The following SYT11 variants were observed in gnomAD, a reference collection of about 807,000 sequenced individuals.
The protein encoded by SYT11 is synaptotagmin-11.
SYT11 carries 12 observed loss-of-function variants against 30.4 expected under a neutral mutation model. The ratio of observed to expected loss-of-function variants is 0.39; its 90% CI spans 0.25 to 0.64. SYT11 has a LOEUF of 0.64. SYT11 is among the 30% of genes least tolerant of loss of function. The probability of loss-of-function intolerance (pLI) is 0.45; values close to 1 mark genes in which losing one functional copy is unlikely to be tolerated. For synonymous variants in SYT11, 204 were observed against 216.0 expected (o/e 0.94, Z 0.49); for missense variants, 412 against 552.0 (o/e 0.75, Z 2.54).
chr1:155,879,104 A>ATGAAAATGTTCT (rs920728081), intron 2 of SYT11, among the ~76,000 whole-genome samples: 1 of 151,822 alleles, frequency 6.6e-6, no homozygotes, highest in East Asian at 1.9e-4. Flanking sequence ...TGCAGTGCCT[A>ATGAAAATGTTCT]TGAAAATGTT....
rs1672733681 is a variant in SYT11 at position 155,868,769 on chromosome 1, A to G, written c.839A>G (p.Asp280Gly). 6.8e-6 allele frequency: 11 copies of G among 1,613,430 alleles called. No homozygotes were observed. Among genetic ancestry groups the G allele is most frequent in the Non-Finnish European group, 9.3e-6 (11 of 1,179,602 alleles). The change falls in exon 2 of 4, where the codon GAC becomes GGC. Residue 280 changes from aspartate (D) to glycine (G), a missense_variant. Asp to Gly is a moderately conservative substitution (Grantham distance 94). Transcript: ENST00000368324. The surrounding 1 kb of genome is among the most constrained non-coding windows in gnomAD (Gnocchi z 4.7). ...PSTGKVQLTRDIIKRNIQKCI... is the reference protein window; with the variant it reads ...PSTGKVQLTRGIIKRNIQKCI... ...ACAGGCAAGGTACAACTGACCAGGGACATCATCAAAAGGAATATCCAGGTG... is the reference window on the plus strand; with the variant it reads ...ACAGGCAAGGTACAACTGACCAGGGGCATCATCAAAAGGAATATCCAGGTG...
intron 2 of SYT11, among the ~76,000 whole-genome samples, chr1:155,870,537 C>T (rs1166846530): frequency 6.6e-6 from 1 of 152,262 alleles, no homozygotes; most frequent in African/African-American, 2.4e-5. Context: ...AACTGCACAT[C>T]TCCCAGAAAG....
chr1:155,868,943 T>G lies in SYT11; in HGVS notation c.861+152T>G. On this transcript the variant is annotated intron_variant, in intron 2 of 3. Coordinates refer to ENST00000368324, the MANE Select transcript of SYT11 (RefSeq NM_152280.5). The surrounding 1 kb of genome is among the most constrained non-coding windows in gnomAD (Gnocchi z 4.7). The stretch of plus-strand genomic sequence containing the variant: ...TGTCAAGGATAAGCAGTGGTCAGAG[T>G]AAGACAGAGGGCCTGGCAGATGAGG... 1.3e-6 allele frequency: 1 copy of G among 771,816 alleles called. No homozygotes were observed. Among genetic ancestry groups the G allele is most frequent in the Non-Finnish European group, 2.0e-6 (1 of 492,606 alleles). 47.8% of individuals were successfully genotyped at this position (771,816 alleles called of 1,614,324 possible).
Position 155,868,439 on chromosome 1 carries a change from C to T in SYT11, c.509C>T (p.Pro170Leu), listed in dbSNP as rs550640338. 6.8e-6 allele frequency: 11 copies of T among 1,614,000 alleles called. No individual in the cohort carries two copies. The highest frequency in any genetic ancestry group is 2.2e-5 in the South Asian group (2 of 91,064). ...SLTFSVDYNF[P>L]KKALVVTIQE... is the part of the protein sequence containing the mutation. ...ACCTTCTCAGTGGACTATAACTTCC[C>T]GAAAAAAGCCCTGGTGGTGACAATC... Residue 170 changes from proline to leucine, a missense_variant, in exon 2 of 4, where the codon CCG becomes CTG. Pro to Leu is a moderately conservative substitution (Grantham distance 98). Coordinates refer to ENST00000368324, the MANE Select transcript of SYT11 (RefSeq NM_152280.5). This position sits in a 1 kb window ranked among gnomAD's most constrained non-coding sequence, Gnocchi z 4.7.
chr1:155,878,884 A>T (rs1289036491), intron 2 of SYT11, among the ~76,000 whole-genome samples: 1 of 151,164 alleles, frequency 6.6e-6, no homozygotes, highest in African/African-American at 2.4e-5. Context: ...ATAAAATTAA[A>T]AAATAAATAA....
rs966405090 is a variant in SYT11 at position 155,882,778 on chromosome 1, T to C, written c.*1270T>C. The C allele has an allele frequency of 3.3e-5, 5 of 152,328 alleles. No individual in the cohort carries two copies. The highest frequency in any genetic ancestry group is 7.3e-5 in the Non-Finnish European group (5 of 68,038). The allele number at this position is 152,328 out of a possible 1,614,324, so 9.4% of individuals were successfully genotyped here. A position where few individuals can be genotyped will look rare whatever the true frequency, so the allele number is the denominator to read the frequency against. ...GTAGTGACAGCCATTTCTTGGTTGA[T>C]GGGTTGGAAGTCATCAGAGGTTTGA... On this transcript the variant is annotated 3_prime_UTR_variant, in exon 4 of 4. Transcript: ENST00000368324.
chr1:155,875,256 A>C (rs1356902755), intron 2 of SYT11, among the ~76,000 whole-genome samples: 1 of 151,676 alleles, frequency 6.6e-6, no homozygotes, highest in Non-Finnish European at 1.5e-5. Context: ...TCTCAAAAAA[A>C]AAAAAAAAAA....
chr1:155,865,344 T>C (rs1323889750), intron 1 of SYT11, among the ~76,000 whole-genome samples: 2 of 152,070 alleles, frequency 1.3e-5, no homozygotes, highest in East Asian at 3.9e-4. Flanking sequence ...AAGAATGCTT[T>C]AGGCCGGGCG....
chr1:155,870,338 C>T (rs1672762021), intron 2 of SYT11, among the ~76,000 whole-genome samples: 1 of 152,210 alleles, frequency 6.6e-6, no homozygotes. Context: ...TATATAGCTA[C>T]TAGGACACAG....
At chr1:155,876,618 G>A (rs532250539) in intron 2 of SYT11, among the ~76,000 whole-genome samples, 51 of 151,976 alleles carry the variant, frequency 3.4e-4, no homozygotes, top group Middle Eastern at 6.8e-3. Context: ...ACAAGAAATA[G>A]TCCACCCTTT....
At chr1:155,878,605 C>A (rs773553334) in intron 2 of SYT11, among the ~76,000 whole-genome samples, 2 of 152,124 alleles carry the variant, frequency 1.3e-5, no homozygotes, top group Admixed American at 6.6e-5. Flanking sequence ...GTGGCTCACG[C>A]CTGTAATCCC....
chr1:155,861,382 TC>T (rs757957171), intron 1 of SYT11, among the ~76,000 whole-genome samples: 9 of 152,192 alleles, frequency 5.9e-5, no homozygotes, highest in Non-Finnish European at 1.3e-4. Flanking sequence ...AGTTCCAGAA[TC>T]CTTGAAAAAA....
chr1:155,876,553 A>G (rs1383604843), intron 2 of SYT11, among the ~76,000 whole-genome samples: 5 of 149,276 alleles, frequency 3.3e-5, no homozygotes, highest in African/African-American at 1.2e-4. Flanking sequence ...GCCAAAACTC[A>G]CCTCCTTTTG....
In SYT11 at chr1:155,882,288, G is replaced by A. The variant is rs1270089580; in HGVS notation, c.*780G>A. 6.6e-6 allele frequency: 1 copy of A among 152,258 alleles called. No individual in the cohort carries two copies. The highest frequency in any genetic ancestry group is 1.5e-5 in the Non-Finnish European group (1 of 68,020). 9.4% of individuals were successfully genotyped at this position (152,258 alleles called of 1,614,324 possible). On this transcript the variant is annotated 3_prime_UTR_variant, in exon 4 of 4. Coordinates refer to ENST00000368324, the MANE Select transcript of SYT11 (RefSeq NM_152280.5). ...ATTTCTCCCACTCCCCACCTCTGCA[G>A]AAGAAAATTTTGCTCTTATAAAACC...
At chr1:155,877,795 A>G (rs1204437309) in intron 2 of SYT11, among the ~76,000 whole-genome samples, 1 of 151,892 alleles carries the variant, frequency 6.6e-6, no homozygotes, top group Non-Finnish European at 1.5e-5. Context: ...TGAACTCGTG[A>G]TCCGCCTGCC....
At chr1:155,880,060 C>T (rs1203297521) in intron 2 of SYT11, among the ~76,000 whole-genome samples, 1 of 152,144 alleles carries the variant, frequency 6.6e-6, no homozygotes, top group Non-Finnish European at 1.5e-5. Flanking sequence ...GATGTGGTGG[C>T]ACACACCTGT....
At chr1:155,861,771 A>T (rs1227991541) in intron 1 of SYT11, among the ~76,000 whole-genome samples, 2 of 152,124 alleles carry the variant, frequency 1.3e-5, no homozygotes, top group Non-Finnish European at 2.9e-5. Flanking sequence ...GACAAGTGCC[A>T]CCACACCCAG....
At chr1:155,881,112 C>G in intron 3 of SYT11, 86 bp from the exon 4 acceptor site, 2 of 1,422,410 alleles carry the variant, frequency 1.4e-6, no homozygotes, top group East Asian at 2.3e-5. Flanking sequence ...AGAGCCCCCC[C>G]TTTCCCAACA....
At chr1:155,864,930 C>T (rs1259867633) in intron 1 of SYT11, among the ~76,000 whole-genome samples, 1 of 151,994 alleles carries the variant, frequency 6.6e-6, no homozygotes, top group Non-Finnish European at 1.5e-5. Flanking sequence ...AGGCTGGTCT[C>T]GAACTCCTGA....
Sources: allele counts gnomAD v4.1 joint callset (sites outside exome capture counted in the v4.1 genomes callset), GRCh38; gene constraint gnomAD v4.1.1; non-coding constraint Gnocchi (gnomAD v3.1); transcripts MANE v1.5; gene names NCBI Gene and HGNC (gene_info 2026-07-23, HGNC 2026-07-21).